CDH13: variants seen among roughly 807,000 people sequenced by gnomAD.
The protein encoded by CDH13 is cadherin 13.
A neutral mutation model predicts 63.8 loss-of-function variants in CDH13; 24 were observed. The ratio of observed to expected loss-of-function variants is 0.38; its 90% CI spans 0.27 to 0.53. The LOEUF (loss-of-function observed/expected upper bound fraction) is 0.53, where lower values mean the gene tolerates loss of function less well. Ranked by LOEUF, CDH13 falls within the 20% of genes least tolerant of loss-of-function variation. CDH13 has a pLI of 0.85. For missense variants in CDH13, 1,049 were observed against 903.1 expected (o/e 1.16, Z -2.07); for synonymous variants, 503 against 355.3 (o/e 1.42, Z -4.67).
At chr16:83,220,839 T>C (rs1449500593) in intron 5 of CDH13, among the ~76,000 whole-genome samples, 1 of 152,228 alleles carries the variant, frequency 6.6e-6, no homozygotes, top group Non-Finnish European at 1.5e-5. Context: ...GGGATTTGTA[T>C]GATAAGAAAT....
intron 7 of CDH13, among the ~76,000 whole-genome samples, chr16:83,534,597 C>T (rs562866105): frequency 3.5e-4 from 53 of 152,322 alleles, no homozygotes; most frequent in African/African-American, 1.3e-3. Context: ...TGTCACTTAG[C>T]ACAATGTTGT....
At position 82,794,566 on chromosome 16, in the gene CDH13, C is replaced by T. The variant is rs529043792; in HGVS notation, c.46-63796C>T. Among the ~76,000 whole-genome samples, 6 of 151,974 alleles carry T rather than the reference C, an allele frequency of 3.9e-5. No homozygotes were observed. The South Asian group carries it at 8.3e-4, about 21-fold the overall frequency. On this transcript the variant is annotated intron_variant, in intron 1 of 13. Coordinates refer to ENST00000567109, the MANE Select transcript of CDH13 (RefSeq NM_001257.5). ...AGTTTCATGTTTGACCCATGTAATA[C>T]CCCGCACATTTGGTTAATTTAGAAA... is the stretch of plus-strand genomic sequence containing the variant.
At chr16:82,637,976 CAAGT>C (rs1275662463) in intron 1 of CDH13, among the ~76,000 whole-genome samples, 2 of 152,180 alleles carry the variant, frequency 1.3e-5, no homozygotes, top group Non-Finnish European at 2.9e-5. Context: ...CAGATAAAAA[CAAGT>C]AAGTACTTGA....
intron 4 of CDH13, among the ~76,000 whole-genome samples, chr16:83,214,579 CAAAAAAAAAAAAAAA>C (rs751124100): frequency 2.5e-5 from 1 of 39,780 alleles, no homozygotes; most frequent in Non-Finnish European, 4.6e-5. Context: ...GACTCTGTCT[CAAAAAAAAAAAAAAA>C]AAAAAAAAGA....
intron 1 of CDH13, among the ~76,000 whole-genome samples, chr16:82,672,814 C>T (rs535868684): frequency 7.4e-4 from 112 of 151,352 alleles, no homozygotes; most frequent in African/African-American, 2.5e-3. Context: ...CACACACACA[C>T]ACAAAATATA....
chr16:82,650,381 A>C (rs1325318017), intron 1 of CDH13, among the ~76,000 whole-genome samples: 2 of 152,214 alleles, frequency 1.3e-5, no homozygotes, highest in Non-Finnish European at 2.9e-5. Context: ...GAGATCCATC[A>C]GATCCCAGAA....
intron 4 of CDH13, among the ~76,000 whole-genome samples, chr16:83,136,610 A>G (rs1416639009): frequency 2.0e-5 from 3 of 152,074 alleles, no homozygotes; most frequent in Admixed American, 6.5e-5. Context: ...GAGGTCTGCC[A>G]GGGGAGAAAC....
intron 1 of CDH13, among the ~76,000 whole-genome samples, chr16:82,733,530 G>A (rs563783032): frequency 1.0e-4 from 15 of 147,394 alleles, no homozygotes; most frequent in African/African-American, 3.8e-4. Flanking sequence ...TAAGTGATAG[G>A]TGACTGGTTC....
chr16:83,737,922 C>T lies in CDH13; in HGVS notation c.1539-10186C>T, dbSNP rs146283000. Among the ~76,000 whole-genome samples the T allele has an allele frequency of 3.7e-3, 563 of 152,274 alleles. 4 individuals are homozygous for T. Among genetic ancestry groups the T allele is most frequent in the African/African-American group, 0.013 (547 of 41,532 alleles). On this transcript the variant is annotated intron_variant, in intron 10 of 13. Coordinates refer to ENST00000567109, the MANE Select transcript of CDH13 (RefSeq NM_001257.5). ...AGACCACTCTGAGTCTTTGTTTTCT[C>T]ATGTGTAAAATAAGGTGGTAATATC...
intron 2 of CDH13, among the ~76,000 whole-genome samples, chr16:82,863,417 G>C (rs1217387992): frequency 6.6e-6 from 1 of 152,124 alleles, no homozygotes; most frequent in African/African-American, 2.4e-5. Flanking sequence ...CCTCCAATTG[G>C]TTACAATACT....
chr16:83,549,780 C>G (rs1476351560), intron 7 of CDH13, among the ~76,000 whole-genome samples: 2 of 152,138 alleles, frequency 1.3e-5, no homozygotes, highest in African/African-American at 4.8e-5. Context: ...GGGGCATTCA[C>G]TGTAATCCCT....
chr16:83,255,343 C>T (rs1567542576), intron 5 of CDH13, among the ~76,000 whole-genome samples: 1 of 152,132 alleles, frequency 6.6e-6, no homozygotes, highest in Non-Finnish European at 1.5e-5. Context: ...CGGCTGGTTG[C>T]AAGGAGTGTA....
chr16:83,196,763 GTTAA>G (rs2038890771), intron 4 of CDH13, among the ~76,000 whole-genome samples: 1 of 152,116 alleles, frequency 6.6e-6, no homozygotes, highest in Non-Finnish European at 1.5e-5. Flanking sequence ...TATTAGAACA[GTTAA>G]TTTATTTTTA....
intron 2 of CDH13, among the ~76,000 whole-genome samples, chr16:83,013,715 G>T (rs539660483): frequency 6.6e-6 from 1 of 152,320 alleles, no homozygotes; most frequent in East Asian, 1.9e-4. Flanking sequence ...ACAAAAGTCT[G>T]ATTCATTTAT....
intron 4 of CDH13, among the ~76,000 whole-genome samples, chr16:83,212,812 A>G (rs57374446): frequency 2.1e-3 from 320 of 152,288 alleles, no homozygotes; most frequent in African/African-American, 7.2e-3. Context: ...TTCTGATACA[A>G]GAGGCTTGGG....
chr16:83,312,838 G>A (rs941041413), intron 5 of CDH13, among the ~76,000 whole-genome samples: 2 of 152,218 alleles, frequency 1.3e-5, no homozygotes, highest in African/African-American at 2.4e-5. Context: ...AGCAGCTTGT[G>A]AGTGTGGGGA....
chr16:82,861,812 C>A (rs556950213), intron 2 of CDH13, among the ~76,000 whole-genome samples: 1 of 152,132 alleles, frequency 6.6e-6, no homozygotes, highest in Non-Finnish European at 1.5e-5. Context: ...ATGCTGGGAC[C>A]AAAACATAGC....
chr16:83,798,024 C>T lies in CDH13; in HGVS notation c.*2994C>T. The T allele has an allele frequency of 6.6e-6, 1 of 152,168 alleles. No homozygotes were observed. Among genetic ancestry groups the T allele is most frequent in the East Asian group, 1.9e-4 (1 of 5,196 alleles). The allele number at this position is 152,168 out of a possible 1,614,324, so 9.4% of individuals were successfully genotyped here. A position where few individuals can be genotyped will look rare whatever the true frequency, so the allele number is the denominator to read the frequency against. ...CTTGGCCGACACCAGCAAATCTAAG[C>T]ATTATAACGAAATAAATCCAGCCAG... On this transcript the variant is annotated 3_prime_UTR_variant, in exon 14 of 14. Transcript: ENST00000567109.
intron 10 of CDH13, chr16:83,736,008 C>T (rs2150956895): frequency 1.3e-5 from 2 of 152,252 alleles, no homozygotes; most frequent in Non-Finnish European, 2.9e-5. Context: ...GTAAAGCTTA[C>T]GTTGCTACCA....
Sources: allele counts gnomAD v4.1 joint callset (sites outside exome capture counted in the v4.1 genomes callset), GRCh38; gene constraint gnomAD v4.1.1; transcripts MANE v1.5; gene names NCBI Gene and HGNC (gene_info 2026-07-23, HGNC 2026-07-21).